UBR1: variants seen among roughly 807,000 people sequenced by gnomAD.
UBR1 encodes the protein ubiquitin protein ligase E3 component n-recognin 1.
In UBR1, 102 loss-of-function variants were observed where a neutral mutation model predicts 242.1. The observed-to-expected ratio is 0.42, with a 90% CI of 0.36 to 0.50. The LOEUF (loss-of-function observed/expected upper bound fraction) is 0.50, where lower values mean the gene tolerates loss of function less well. Ranked by LOEUF, UBR1 falls within the 20% of genes least tolerant of loss-of-function variation. The probability of loss-of-function intolerance (pLI) is 0.01; values close to 1 mark genes in which losing one functional copy is unlikely to be tolerated. For missense variants in UBR1, 1,772 were observed against 2,101.8 expected (o/e 0.84, Z 3.07); for synonymous variants, 675 against 684.8 (o/e 0.99, Z 0.22).
chr15:42,967,803 A>G (rs1267827675), intron 40 of UBR1, among the ~76,000 whole-genome samples: 3 of 151,966 alleles, frequency 2.0e-5, no homozygotes, highest in African/African-American at 7.2e-5. Flanking sequence ...CTTAAAAAAA[A>G]AGAAAGACTG....
intron 14 of UBR1, among the ~76,000 whole-genome samples, chr15:43,044,288 G>A (rs557168338): frequency 6.6e-6 from 1 of 152,308 alleles, no homozygotes; most frequent in African/African-American, 2.4e-5. Context: ...TGGTAGATTG[G>A]AGAGGATAAA....
At chr15:42,984,691 T>G (rs2032432141) in intron 36 of UBR1, among the ~76,000 whole-genome samples, 196 bp downstream of exon 36, 1 of 152,242 alleles carries the variant, frequency 6.6e-6, no homozygotes, top group African/African-American at 2.4e-5. Context: ...ACTTAACCTC[T>G]GAGATTGAGT....
At chr15:43,096,984 C>T (rs2034169514) in intron 1 of UBR1, among the ~76,000 whole-genome samples, 1 of 151,858 alleles carries the variant, frequency 6.6e-6, no homozygotes, top group African/African-American at 2.4e-5. Flanking sequence ...TGAATCCTTT[C>T]CAAAAGTTTT....
chr15:42,961,253 C>T (rs1450650728), intron 42 of UBR1, among the ~76,000 whole-genome samples: 1 of 151,640 alleles, frequency 6.6e-6, no homozygotes, highest in Non-Finnish European at 1.5e-5. Flanking sequence ...GCTGGGACTA[C>T]AAGCACACAC....
intron 16 of UBR1, 84 bp downstream of exon 16, chr15:43,038,087 A>C: frequency 6.7e-7 from 1 of 1,497,194 alleles, no homozygotes; most frequent in Non-Finnish European, 9.3e-7. Flanking sequence ...GTGGGTTTCT[A>C]AATATTATCT....
chr15:42,986,924 C>A (rs184165586), intron 35 of UBR1, among the ~76,000 whole-genome samples: 1 of 152,352 alleles, frequency 6.6e-6, no homozygotes, highest in Admixed American at 6.5e-5. Context: ...GGCCCCTGAG[C>A]CCACCCTGAG....
chr15:42,971,340 A>G (rs1463742630), intron 39 of UBR1, among the ~76,000 whole-genome samples: 1 of 152,168 alleles, frequency 6.6e-6, no homozygotes, highest in Non-Finnish European at 1.5e-5. Context: ...CCATCAACCT[A>G]TCTTTAAGGA....
chr15:43,015,122 A>G (rs1199633219), intron 29 of UBR1, among the ~76,000 whole-genome samples: 1 of 150,968 alleles, frequency 6.6e-6, no homozygotes, highest in Non-Finnish European at 1.5e-5. Flanking sequence ...CTGCCCGGCC[A>G]CCACCCCGTC....
At chr15:42,953,370 C>G (rs984255616) in intron 44 of UBR1, among the ~76,000 whole-genome samples, 14 of 152,092 alleles carry the variant, frequency 9.2e-5, no homozygotes, top group Admixed American at 5.9e-4. Flanking sequence ...CCAACTAGGC[C>G]CACACTGGGG....
chr15:43,102,189 T>C (rs1277145236), intron 1 of UBR1, among the ~76,000 whole-genome samples: 2 of 152,162 alleles, frequency 1.3e-5, no homozygotes, highest in African/African-American at 4.8e-5. Flanking sequence ...GCCTCATGCC[T>C]AATCTATCAG....
chr15:42,951,425 C>T (rs2031831171), intron 45 of UBR1, among the ~76,000 whole-genome samples: 1 of 152,086 alleles, frequency 6.6e-6, no homozygotes, highest in South Asian at 2.1e-4. Context: ...GGTTTCACCA[C>T]GTTGGCCAGG....
Position 43,015,706 on chromosome 15 carries a change from G to A in UBR1, c.3191C>T (p.Ser1064Phe), listed in dbSNP as rs1235503054. The change falls in exon 29 of 47, where the codon TCC becomes TTC. Residue 1064 changes from serine to phenylalanine, a missense_variant. By Grantham distance (155) the Ser-to-Phe change is radical (BLOSUM62 -2). Coordinates refer to ENST00000290650, the MANE Select transcript of UBR1 (RefSeq NM_174916.3). ...NTSEMPGKED[S>F]IMEEESTPAV... is the part of the protein sequence containing the mutation. ...ATTTTACCTCTCTTCCTCCATAATGGAATCTTCTTTCCCAGGCATTTCTGA... is the reference window on the plus strand; with the variant it reads ...ATTTTACCTCTCTTCCTCCATAATGAAATCTTCTTTCCCAGGCATTTCTGA... The A allele has an allele frequency of 6.2e-7, 1 of 1,613,714 alleles. No individual in the cohort carries two copies. The highest frequency in any genetic ancestry group is 2.2e-5 in the East Asian group (1 of 44,866).
intron 15 of UBR1, 111 bp downstream of exon 15, chr15:43,043,104 G>A (rs2033440054): frequency 3.3e-6 from 4 of 1,216,008 alleles, no homozygotes; most frequent in Admixed American, 3.7e-5. Flanking sequence ...TATCTGACCT[G>A]AGCATGTCTG....
At chr15:43,049,424 G>A (rs555239673) in intron 12 of UBR1, among the ~76,000 whole-genome samples, 97 of 152,154 alleles carry the variant, frequency 6.4e-4, no homozygotes, top group Middle Eastern at 3.4e-3. Context: ...TTAGCTGGGC[G>A]TGGTGGCGGG....
At chr15:43,101,767 G>A (rs2034237721) in intron 1 of UBR1, among the ~76,000 whole-genome samples, 1 of 152,112 alleles carries the variant, frequency 6.6e-6, no homozygotes, top group Non-Finnish European at 1.5e-5. Flanking sequence ...AGGAGTTCAA[G>A]ACCAACCTGG....
At chr15:42,968,117 C>G (rs113251644) in intron 40 of UBR1, among the ~76,000 whole-genome samples, 14 of 152,152 alleles carry the variant, frequency 9.2e-5, no homozygotes, top group African/African-American at 3.4e-4. Context: ...GTATGGATCA[C>G]TGTAAAAGGA....
intron 6 of UBR1, among the ~76,000 whole-genome samples, chr15:43,063,435 A>G (rs1046996190): frequency 6.6e-6 from 1 of 152,128 alleles, no homozygotes; most frequent in African/African-American, 2.4e-5. Flanking sequence ...ATCCTACCAC[A>G]ATAATATATC....
At chr15:43,102,118 G>A (rs11070389) in intron 1 of UBR1, among the ~76,000 whole-genome samples, 81,724 of 151,804 alleles carry the variant, frequency 0.54, 26,725 homozygotes, top group Non-Finnish European at 0.7. Context: ...CAACACAACC[G>A]CTGCCATGAA....
chr15:43,081,417 CAAAAAA>C (rs71108197), intron 3 of UBR1, among the ~76,000 whole-genome samples: 7 of 69,708 alleles, frequency 1.0e-4, no homozygotes, highest in South Asian at 5.4e-4. Flanking sequence ...CACCCCATCT[CAAAAAA>C]AAAAAAAAAA....
Sources: gnomAD v4.1 joint callset for allele counts (sites outside exome capture counted in the v4.1 genomes callset) on GRCh38, gnomAD v4.1.1 for gene constraint, MANE v1.5 for transcripts, NCBI Gene and HGNC (gene_info 2026-07-23, HGNC 2026-07-21) for gene names.